DSCAM: variants seen among roughly 807,000 people sequenced by gnomAD.
DSCAM encodes cell adhesion molecule DSCAM.
In DSCAM, 47 loss-of-function variants were observed where a neutral mutation model predicts 217.7. The ratio of observed to expected loss-of-function variants is 0.22; its 90% CI spans 0.17 to 0.28. The LOEUF is 0.28. Among genes scored for constraint, DSCAM ranks in the 10% least tolerant of loss-of-function variants. The pLI, the probability that DSCAM is intolerant of heterozygous loss-of-function variation, is 1.00. For missense variants in DSCAM, 2,080 were observed against 2,618.3 expected, an observed-to-expected ratio of 0.79 and a Z score of 4.49; for synonymous variants, 1,056 against 1,015.3, an observed-to-expected ratio of 1.04 and a Z score of -0.76.
chr21:40,326,299 A>G (rs536754059), intron 8 of DSCAM, among the ~76,000 whole-genome samples: 1 of 152,314 alleles, frequency 6.6e-6, no homozygotes, highest in East Asian at 1.9e-4. Flanking sequence ...ACAGTGGGAC[A>G]TGGGCTGCAA....
chr21:40,749,315 A>G (rs746096099), intron 1 of DSCAM, among the ~76,000 whole-genome samples: 1 of 152,214 alleles, frequency 6.6e-6, no homozygotes, highest in East Asian at 1.9e-4. Context: ...CTATTTGTGC[A>G]CTATGCATCT....
intron 3 of DSCAM, among the ~76,000 whole-genome samples, chr21:40,457,831 G>A (rs1282376218): frequency 6.6e-6 from 1 of 152,124 alleles, no homozygotes; most frequent in East Asian, 1.9e-4. Context: ...TTAATAATGT[G>A]GAAAGGCAAA....
intron 3 of DSCAM, among the ~76,000 whole-genome samples, chr21:40,536,589 G>C (rs1215112282): frequency 2.0e-5 from 3 of 151,932 alleles, no homozygotes; most frequent in African/African-American, 7.3e-5. Context: ...TTTATTTTTA[G>C]TAGAGACAGG....
chr21:40,330,090 A>C (rs1193274241), intron 8 of DSCAM, among the ~76,000 whole-genome samples: 2 of 151,954 alleles, frequency 1.3e-5, no homozygotes, highest in African/African-American at 4.8e-5. Context: ...GTCATTCCAC[A>C]ATGGATATAT....
At position 40,388,135 on chromosome 21, in the gene DSCAM, A is replaced by T. The variant is rs374177982; in HGVS notation, c.509-18890T>A. The stretch of plus-strand genomic sequence containing the variant: ...ACAATTTGGAAATTTCCCAGTATTG[A>T]TAAGAACCGACAGTTTGCCAATAGC... On this transcript the variant is annotated intron_variant, in intron 3 of 32. Coordinates refer to ENST00000400454, the MANE Select transcript of DSCAM (RefSeq NM_001389.5). Among the ~76,000 whole-genome samples the T allele has an allele frequency of 7.4e-5, 6 of 80,550 alleles. No individual in the cohort carries two copies. In the East Asian group the frequency reaches 1.3e-3, roughly 18 times the overall value. 52.8% of individuals were successfully genotyped at this position (80,550 alleles called of 152,430 possible). A position where few individuals can be genotyped will look rare whatever the true frequency, so the allele number is the denominator to read the frequency against.
At chr21:40,843,272 G>A (rs1034468438) in intron 1 of DSCAM, among the ~76,000 whole-genome samples, 3 of 151,922 alleles carry the variant, frequency 2.0e-5, no homozygotes, top group African/African-American at 7.2e-5. Flanking sequence ...GCACCCCACC[G>A]TCTCTAATCT....
chr21:40,718,230 C>T (rs7277695), intron 1 of DSCAM, among the ~76,000 whole-genome samples: 5,613 of 152,202 alleles, frequency 0.037, 139 homozygotes, highest in East Asian at 0.098. Flanking sequence ...TGCCCCTGGG[C>T]CACCCAATAG....
At chr21:40,564,277 A>G (rs1279824519) in intron 3 of DSCAM, among the ~76,000 whole-genome samples, 1 of 152,228 alleles carries the variant, frequency 6.6e-6, no homozygotes, top group African/African-American at 2.4e-5. Flanking sequence ...AGGGGAAAAA[A>G]CAATGATTTT....
chr21:40,523,928 C>T (rs1297442311), intron 3 of DSCAM, among the ~76,000 whole-genome samples: 1 of 152,104 alleles, frequency 6.6e-6, no homozygotes, highest in Non-Finnish European at 1.5e-5. Context: ...AGCAGTGAGG[C>T]ACCGAAAACA....
At chr21:40,180,734 C>A (rs1427752433) in intron 14 of DSCAM, among the ~76,000 whole-genome samples, 1 of 152,140 alleles carries the variant, frequency 6.6e-6, no homozygotes, top group African/African-American at 2.4e-5. Flanking sequence ...ACTGACGGGG[C>A]CAATGAAGAT....
rs910305293 is a variant in DSCAM, at chr21:40,528,867, A to G, written c.509-159622T>C. On this transcript the variant is annotated intron_variant, in intron 3 of 32. Transcript: ENST00000400454. ...TCCTCATGGACAGGATGAAAGACAC[A>G]TTTTGTCTTTGGCAATGTCCAGGCT... is the stretch of plus-strand genomic sequence containing the variant. Among the ~76,000 whole-genome samples the G allele has an allele frequency of 1.8e-3, 245 of 134,134 alleles. 6 individuals carry two copies. The highest frequency in any genetic ancestry group is 8.8e-4 in the East Asian group (4 of 4,534). The allele number at this position is 134,134 out of a possible 152,430, so 88.0% of individuals were successfully genotyped here.
intron 3 of DSCAM, among the ~76,000 whole-genome samples, chr21:40,687,880 T>C (rs2090498251): frequency 6.6e-6 from 1 of 152,162 alleles, no homozygotes; most frequent in Non-Finnish European, 1.5e-5. Context: ...GGAGTGCTTC[T>C]TAAAGCCCAA....
intron 3 of DSCAM, among the ~76,000 whole-genome samples, chr21:40,412,493 T>C (rs2075332355): frequency 6.6e-6 from 1 of 152,188 alleles, no homozygotes; most frequent in African/African-American, 2.4e-5. Flanking sequence ...GGAGCAAAGG[T>C]GACTCTTGTT....
At chr21:40,052,185 G>A in intron 29 of DSCAM, 78 bp from the exon 30 acceptor site, 2 of 1,511,102 alleles carry the variant, frequency 1.3e-6, no homozygotes, top group South Asian at 2.5e-5. Flanking sequence ...TCTCTCCTGA[G>A]GCACTTGTGT....
At chr21:40,521,358 A>AT (rs981448857) in intron 3 of DSCAM, among the ~76,000 whole-genome samples, 4 of 152,146 alleles carry the variant, frequency 2.6e-5, no homozygotes, top group Non-Finnish European at 2.9e-5. Flanking sequence ...GGCTTTACTA[A>AT]TTTTTATTCC....
At position 40,189,197 on chromosome 21, in the gene DSCAM, T is replaced by G; in HGVS notation, c.2398A>C (p.Thr800Pro). 6.2e-7 allele frequency: 1 copy of G among 1,612,216 alleles called. No homozygotes were observed. The change falls in exon 12 of 33, where the codon ACG becomes CCG. Residue 800 changes from threonine (T) to proline (P), a missense_variant. Physicochemically the swap from Thr to Pro is conservative, Grantham distance 38. Transcript: ENST00000400454. The part of the protein sequence containing the change: ...ITSYPNTTLA[T>P]QGQKKEMSCT... Reference sequence around the variant, plus strand: ...CTCATCTCCTTTTTCTGCCCCTGCGTGGCCAGGGTAGTATTTGGATAGGAT... The same window carrying G: ...CTCATCTCCTTTTTCTGCCCCTGCGGGGCCAGGGTAGTATTTGGATAGGAT...
chr21:40,333,126 AG>A (rs2123567354), intron 8 of DSCAM, among the ~76,000 whole-genome samples: 1 of 152,316 alleles, frequency 6.6e-6, no homozygotes, highest in African/African-American at 2.4e-5. Context: ...CAGGAAAAGT[AG>A]TGGAGCTGCA....
At chr21:40,327,863 T>A (rs1244372254) in intron 8 of DSCAM, among the ~76,000 whole-genome samples, 1 of 152,068 alleles carries the variant, frequency 6.6e-6, no homozygotes, top group Non-Finnish European at 1.5e-5. Context: ...GTGAACTATC[T>A]GAAAAAAATT....
intron 1 of DSCAM, among the ~76,000 whole-genome samples, chr21:40,782,039 C>T (rs982571406): frequency 2.7e-5 from 4 of 149,422 alleles, no homozygotes; most frequent in African/African-American, 4.9e-5. Context: ...GGCGCAATGG[C>T]GGGCGCCTGC....
Sources: allele counts gnomAD v4.1 joint callset (sites outside exome capture counted in the v4.1 genomes callset), GRCh38; gene constraint gnomAD v4.1.1; transcripts MANE v1.5; gene names NCBI Gene and HGNC (gene_info 2026-07-23, HGNC 2026-07-21).